OSBPL10: variants seen among roughly 807,000 people sequenced by gnomAD.
OSBPL10 encodes oxysterol-binding protein-related protein 10.
Under a neutral mutation model 81.7 loss-of-function variants are expected in OSBPL10, and 49 were observed. The observed-to-expected ratio is 0.60, with a 90% CI of 0.48 to 0.76. OSBPL10 has a LOEUF of 0.76. Among genes scored for constraint, OSBPL10 ranks in the 30% least tolerant of loss-of-function variants. The pLI is 0.00. For synonymous variants in OSBPL10, 419 were observed against 383.6 expected (o/e 1.09, Z -1.08); for missense variants, 923 against 987.8 (o/e 0.93, Z 0.88).
At position 32,064,574 on chromosome 3, in the gene OSBPL10, A is replaced by AG. The variant is rs1699765669; in HGVS notation, n.185+12821dup. On this transcript the variant is annotated intron_variant and non_coding_transcript_variant, in intron 1 of 3. Coordinates refer to the OSBPL10 transcript ENST00000479173. ...ACAAAAGAGAATCTCAAGTTTTTAA[A>AG]GAAAAAAAAAGATGAATCAGGAGAG... Among the ~76,000 whole-genome samples, 2 of 87,130 alleles carry AG rather than the reference A, an allele frequency of 2.3e-5. 1 individual carries two copies. Among genetic ancestry groups the AG allele is most frequent in the East Asian group, 4.9e-4 (2 of 4,052 alleles). 57.2% of individuals were successfully genotyped at this position (87,130 alleles called of 152,430 possible).
chr3:31,818,854 G>A (rs1236512894), intron 4 of OSBPL10, among the ~76,000 whole-genome samples: 1 of 152,102 alleles, frequency 6.6e-6, no homozygotes, highest in Non-Finnish European at 1.5e-5. Context: ...AAAACTCACT[G>A]AACTGGTCAT....
In OSBPL10 at chr3:31,797,617, A is replaced by G; in HGVS notation, c.729+32423T>C. 6.3e-6 allele frequency: 2 copies of G among 319,758 alleles called. 1 individual carries two copies. The highest frequency in any genetic ancestry group is 4.8e-5 in the South Asian group (2 of 41,800). 19.8% of individuals were successfully genotyped at this position (319,758 alleles called of 1,614,324 possible). Reference sequence around the variant, plus strand: ...GGATATTTCCATCCCTCCAAACTACAATTTCTGTGAACCCTGCAAAAGGTC... The same window carrying G: ...GGATATTTCCATCCCTCCAAACTACGATTTCTGTGAACCCTGCAAAAGGTC... On this transcript the variant is annotated intron_variant, in intron 4 of 11. Transcript: ENST00000396556.
In OSBPL10 at chr3:31,945,019, C is replaced by T. The variant is rs541022525; in HGVS notation, c.281+35880G>A. 9.2e-4 allele frequency among the ~76,000 whole-genome samples: 139 copies of T among 151,504 alleles called. 2 individuals carry two copies. The highest frequency in any genetic ancestry group is 3.2e-3 in the African/African-American group (132 of 41,332). On this transcript the variant is annotated intron_variant, in intron 1 of 11. Coordinates refer to ENST00000396556, the MANE Select transcript of OSBPL10 (RefSeq NM_017784.5). Reference sequence around the variant, plus strand: ...TACAAAAATTAGCTGGGCGTGGTGGCACACATGTGTAGTCCCAGCTACTCG... The same window carrying T: ...TACAAAAATTAGCTGGGCGTGGTGGTACACATGTGTAGTCCCAGCTACTCG...
At position 31,678,447 on chromosome 3, in the gene OSBPL10, C is replaced by T. The variant is rs1375551741; in HGVS notation, c.1726+5187G>A. Among the ~76,000 whole-genome samples the T allele has an allele frequency of 3.9e-5, 6 of 152,174 alleles. No individual in the cohort carries two copies. In the South Asian group the frequency reaches 6.2e-4, roughly 16 times the overall value. On this transcript the variant is annotated intron_variant, in intron 8 of 11. Coordinates refer to ENST00000396556, the MANE Select transcript of OSBPL10 (RefSeq NM_017784.5). ...CTGCACAGCCACCTCCTTGTCGGAGCCCACCGCTGGTGGTCGGGGACAGGG... is the reference window on the plus strand; with the variant it reads ...CTGCACAGCCACCTCCTTGTCGGAGTCCACCGCTGGTGGTCGGGGACAGGG...
intron 3 of OSBPL10, among the ~76,000 whole-genome samples, chr3:31,866,761 G>C (rs547994564): frequency 6.6e-6 from 1 of 152,180 alleles, no homozygotes; most frequent in African/African-American, 2.4e-5. Context: ...CAGTGGACGG[G>C]GGTAAGACAG....
chr3:31,942,713 A>C (rs1029734230), intron 1 of OSBPL10, among the ~76,000 whole-genome samples: 3 of 152,196 alleles, frequency 2.0e-5, no homozygotes, highest in African/African-American at 7.2e-5. Flanking sequence ...AGTGAAAAGC[A>C]AAAATTGAGA....
At chr3:31,748,152 G>T (rs548935325) in intron 4 of OSBPL10, 32 bp from the exon 5 acceptor site, 1 of 1,576,582 alleles carries the variant, frequency 6.3e-7, no homozygotes, top group Non-Finnish European at 8.6e-7. Context: ...AGGAGGTGAG[G>T]GGCGGAAGTT....
intron 7 of OSBPL10, 84 bp downstream of exon 7, chr3:31,702,275 G>T (rs1216105786): frequency 1.3e-6 from 2 of 1,483,396 alleles, no homozygotes; most frequent in Non-Finnish European, 1.8e-6. Flanking sequence ...TCACCACAAC[G>T]AAAAGAATGT....
chr3:31,815,197 G>A (rs1040776308), intron 4 of OSBPL10, among the ~76,000 whole-genome samples: 4 of 31,582 alleles, frequency 1.3e-4, no homozygotes, highest in African/African-American at 2.2e-4. Flanking sequence ...CATGAACACC[G>A]AGAGATGCCC....
chr3:31,823,306 G>A lies in OSBPL10; in HGVS notation c.729+6734C>T, dbSNP rs139371672. ...AGTCCTTAATTCAATTTGTTCATCA[G>A]TATGCCTAGTGATTGTGCAAGGGCT... is the stretch of plus-strand genomic sequence containing the variant. On this transcript the variant is annotated intron_variant, in intron 4 of 11. Transcript: ENST00000396556. 3.7e-4 allele frequency among the ~76,000 whole-genome samples: 56 copies of A among 152,328 alleles called. No homozygotes were observed. The East Asian group carries it at 0.01, about 27-fold the overall frequency.
chr3:32,043,453 C>T (rs538624912), intron 2 of OSBPL10, among the ~76,000 whole-genome samples: 1 of 152,216 alleles, frequency 6.6e-6, no homozygotes, highest in East Asian at 1.9e-4. Flanking sequence ...TCACAGTGGT[C>T]CTGAGATGAC....
At chr3:31,755,363 TG>T (rs1697853830) in intron 4 of OSBPL10, among the ~76,000 whole-genome samples, 1 of 152,242 alleles carries the variant, frequency 6.6e-6, no homozygotes, top group Admixed American at 6.5e-5. Flanking sequence ...AGTTGAAGAC[TG>T]CTTCATAAGC....
chr3:32,025,511 C>T (rs1446068547), intron 2 of OSBPL10, among the ~76,000 whole-genome samples: 1 of 152,064 alleles, frequency 6.6e-6, no homozygotes, highest in African/African-American at 2.4e-5. Flanking sequence ...GTTAATGCTG[C>T]CCTCATTGAA....
chr3:31,880,039 G>A (rs1418760090), intron 1 of OSBPL10, among the ~76,000 whole-genome samples: 1 of 152,184 alleles, frequency 6.6e-6, no homozygotes, highest in Non-Finnish European at 1.5e-5. Flanking sequence ...TCATAATGGG[G>A]CACTTGTGGG....
intron 1 of OSBPL10, among the ~76,000 whole-genome samples, chr3:31,977,293 GT>G (rs2125500333): frequency 6.6e-6 from 1 of 152,218 alleles, no homozygotes; most frequent in East Asian, 1.9e-4. Context: ...CTTCTCTCCA[GT>G]TCTCTGCCAA....
intron 4 of OSBPL10, among the ~76,000 whole-genome samples, chr3:31,802,549 CAAAAAAAAA>C (rs746823677): frequency 1.4e-4 from 13 of 95,008 alleles, no homozygotes; most frequent in Non-Finnish European, 2.4e-4. Flanking sequence ...GCCTGGGTAT[CAAAAAAAAA>C]AAAAAAAAAA....
chr3:31,858,167 A>G (rs1559494523), intron 3 of OSBPL10, among the ~76,000 whole-genome samples: 1 of 151,550 alleles, frequency 6.6e-6, no homozygotes. Flanking sequence ...CACCAGGCTA[A>G]TTTTTTTATA....
chr3:31,734,329 C>A (rs1008826296), intron 5 of OSBPL10, among the ~76,000 whole-genome samples: 1 of 152,164 alleles, frequency 6.6e-6, no homozygotes, highest in African/African-American at 2.4e-5. Context: ...AAGACTTTTA[C>A]TCTAATTTTT....
At chr3:32,022,834 G>A (rs1318058005) in intron 2 of OSBPL10, among the ~76,000 whole-genome samples, 1 of 152,116 alleles carries the variant, frequency 6.6e-6, no homozygotes, top group Non-Finnish European at 1.5e-5. Flanking sequence ...AAAAATTTGG[G>A]ATCAGCAGAA....
Sources: allele counts gnomAD v4.1 joint callset (sites outside exome capture counted in the v4.1 genomes callset), GRCh38; gene constraint gnomAD v4.1.1; transcripts MANE v1.5; gene names NCBI Gene and HGNC (gene_info 2026-07-23, HGNC 2026-07-21).